LRP1B: variants seen among roughly 807,000 people sequenced by gnomAD.
LRP1B encodes low-density lipoprotein receptor-related protein 1B.
Under a neutral mutation model 556.6 loss-of-function variants are expected in LRP1B, and 217 were observed. The observed-to-expected ratio is 0.39, with a 90% confidence interval of 0.35 to 0.44. LRP1B has a LOEUF of 0.44. Among genes scored for constraint, LRP1B ranks in the 20% least tolerant of loss-of-function variants. The pLI is 1.00. For synonymous variants in LRP1B, 2,047 were observed against 1,865.8 expected (o/e 1.10, Z -2.50); for missense variants, 5,053 against 5,620.8 (o/e 0.90, Z 3.23).
At chr2:141,067,592 A>G (rs1420747468) in intron 7 of LRP1B, among the ~76,000 whole-genome samples, 5 of 151,904 alleles carry the variant, frequency 3.3e-5, no homozygotes, top group Non-Finnish European at 7.4e-5. Context: ...AATGTGGCTG[A>G]CTCGTTGAAC....
chr2:141,501,294 T>C (rs968979793), intron 2 of LRP1B, among the ~76,000 whole-genome samples: 1 of 152,172 alleles, frequency 6.6e-6, no homozygotes, highest in African/African-American at 2.4e-5. Flanking sequence ...GTATGTGGTA[T>C]ACCTCAAGAA....
chr2:140,372,212 T>A (rs947574240), intron 69 of LRP1B, among the ~76,000 whole-genome samples: 1 of 152,032 alleles, frequency 6.6e-6, no homozygotes, highest in African/African-American at 2.4e-5. Flanking sequence ...CTCCTTTTAA[T>A]TGGCAGTGTT....
rs770016362 is a variant in LRP1B, at chr2:140,903,131, G to A, written c.3555C>T (p.Asn1185=). The A allele has an allele frequency of 1.2e-6, 2 of 1,613,406 alleles. No individual in the cohort carries two copies. The highest frequency in any genetic ancestry group is 4.5e-5 in the East Asian group (2 of 44,824). ...CTCTTCCAGGAACAACAGAACAGTG[G>A]TTGCTACAGCCTCCATTGTTCAGCG... The part of the protein sequence containing the change: ...ECSLNNGGCS[N]HCSVVPGRGI... The change falls in exon 23 of 91, where the codon AAC becomes AAT. Residue 1185 remains asparagine (N), a synonymous_variant. Coordinates refer to ENST00000389484, the MANE Select transcript of LRP1B (RefSeq NM_018557.3).
chr2:141,443,326 ATTAGCAC>A (rs1220867115), intron 3 of LRP1B, among the ~76,000 whole-genome samples: 1 of 152,114 alleles, frequency 6.6e-6, no homozygotes, highest in Non-Finnish European at 1.5e-5. Flanking sequence ...GATTCTGTAT[ATTAGCAC>A]TTTGTCAGAT....
chr2:141,623,676 T>G (rs1004769366), intron 2 of LRP1B, among the ~76,000 whole-genome samples: 5 of 151,944 alleles, frequency 3.3e-5, no homozygotes, highest in Non-Finnish European at 7.4e-5. Context: ...TGATCCCCTC[T>G]TCACCGGGGC....
intron 41 of LRP1B, among the ~76,000 whole-genome samples, chr2:140,632,519 C>T (rs1025889005): frequency 1.3e-5 from 2 of 151,290 alleles, no homozygotes; most frequent in Non-Finnish European, 1.5e-5. Context: ...AATTGATATG[C>T]TAAAAGAGGA....
chr2:140,634,663 G>A (rs1226787571), intron 41 of LRP1B, among the ~76,000 whole-genome samples: 2 of 152,034 alleles, frequency 1.3e-5, no homozygotes, highest in Non-Finnish European at 2.9e-5. Context: ...ATGACATGAT[G>A]AAAATGGCAC....
chr2:140,539,632 A>G (rs921886847), intron 45 of LRP1B, among the ~76,000 whole-genome samples: 1 of 152,136 alleles, frequency 6.6e-6, no homozygotes, highest in African/African-American at 2.4e-5. Context: ...TTGCTTCACT[A>G]CTAGCCTGAA....
At chr2:140,505,317 C>A (rs1574014722) in intron 53 of LRP1B, among the ~76,000 whole-genome samples, 2 of 152,112 alleles carry the variant, frequency 1.3e-5, no homozygotes, top group Non-Finnish European at 1.5e-5. Context: ...AGGACTTGAA[C>A]CCAGGCTCTC....
At chr2:140,557,602 T>C (rs1362576902) in intron 43 of LRP1B, among the ~76,000 whole-genome samples, 1 of 152,080 alleles carries the variant, frequency 6.6e-6, no homozygotes, top group Non-Finnish European at 1.5e-5. Context: ...TCCCCTATGC[T>C]CTTCCGTTCT....
At chr2:140,631,024 T>C (rs189874500) in intron 41 of LRP1B, among the ~76,000 whole-genome samples, 350 of 152,300 alleles carry the variant, frequency 2.3e-3, no homozygotes, top group African/African-American at 8.3e-3. Context: ...TATATTACAT[T>C]TGAAAGAGCT....
intron 3 of LRP1B, among the ~76,000 whole-genome samples, chr2:141,271,006 A>C (rs1685069773): frequency 2.0e-5 from 3 of 152,054 alleles, no homozygotes; most frequent in Admixed American, 2.0e-4. Flanking sequence ...AAATGAAGCT[A>C]TAAAGGGAAT....
intron 82 of LRP1B, among the ~76,000 whole-genome samples, chr2:140,319,889 ACCAAAATGCCCGT>A (rs1344729239): frequency 3.9e-5 from 6 of 152,154 alleles, no homozygotes; most frequent in Non-Finnish European, 8.8e-5. Context: ...AATAATTGGC[ACCAAAATGCCCGT>A]CCAAAATACC....
chr2:141,337,621 G>C (rs1415773551), intron 3 of LRP1B, among the ~76,000 whole-genome samples: 1 of 152,142 alleles, frequency 6.6e-6, no homozygotes, highest in Admixed American at 6.5e-5. Context: ...TTTATGTCAT[G>C]CCTCTGAATA....
At chr2:140,534,173 G>A (rs966067929) in intron 46 of LRP1B, 33 bp from the exon 47 acceptor site, 164 of 1,575,566 alleles carry the variant, frequency 1.0e-4, no homozygotes, top group Non-Finnish European at 1.4e-4. Context: ...CACAACCAGA[G>A]ATCATATAGA....
chr2:141,001,831 TGTCAGA>T (rs1697434846), intron 15 of LRP1B, among the ~76,000 whole-genome samples: 1 of 152,144 alleles, frequency 6.6e-6, no homozygotes, highest in Non-Finnish European at 1.5e-5. Flanking sequence ...CTTTTCAAAA[TGTCAGA>T]GTCATTCAAT....
intron 18 of LRP1B, among the ~76,000 whole-genome samples, chr2:140,970,712 ACCTTTTTTTTTTTTTTTTTTTTTTTTTT>A (rs1696388364): frequency 2.4e-5 from 3 of 126,406 alleles, no homozygotes; most frequent in Non-Finnish European, 3.2e-5. Context: ...TAATTTTTTA[ACCTTTTTTTTTTTTTTTTTTTTTTTTTT>A]TTTTTTTTTT....
intron 37 of LRP1B, among the ~76,000 whole-genome samples, chr2:140,705,521 C>CAAAAAAAAAAA (rs565447198): frequency 3.5e-4 from 24 of 68,208 alleles, no homozygotes; most frequent in Non-Finnish European, 4.3e-4. Context: ...GAGACTGTCT[C>CAAAAAAAAAAA]AAAAAAAAAA....
In LRP1B at chr2:140,342,654, G is replaced by A. The variant is rs543792633; in HGVS notation, c.11893-6816C>T. Among the ~76,000 whole-genome samples the A allele has an allele frequency of 7.9e-5, 12 of 151,382 alleles. No individual in the cohort carries two copies. In the South Asian group the frequency reaches 2.5e-3, roughly 31 times the overall value. ...CAAAGAGATCCAAAGAATAGGATGGGGACTCCATACTCACGTATACGTTTT... is the reference window on the plus strand; with the variant it reads ...CAAAGAGATCCAAAGAATAGGATGGAGACTCCATACTCACGTATACGTTTT... On this transcript the variant is annotated intron_variant, in intron 77 of 90. Transcript: ENST00000389484.
Sources: gnomAD v4.1 joint callset for allele counts (sites outside exome capture counted in the v4.1 genomes callset) on GRCh38, gnomAD v4.1.1 for gene constraint, MANE v1.5 for transcripts, NCBI Gene and HGNC (gene_info 2026-07-23, HGNC 2026-07-21) for gene names.